The following PPP1R7 variants were observed in gnomAD, a reference collection of about 807,000 sequenced individuals.
The protein encoded by PPP1R7 is protein phosphatase 1 regulatory subunit 7.
PPP1R7 carries 18 observed loss-of-function variants against 45.2 expected under a neutral mutation model. The observed-to-expected ratio is 0.40, with a 90% CI of 0.28 to 0.59. The LOEUF (loss-of-function observed/expected upper bound fraction) is 0.59, where lower values mean the gene tolerates loss of function less well. Ranked by LOEUF, PPP1R7 falls within the 20% of genes least tolerant of loss-of-function variation. The pLI is 0.46. For missense variants in PPP1R7, 314 were observed against 455.8 expected, an observed-to-expected ratio of 0.69 and a Z score of 2.83; for synonymous variants, 181 against 183.4, an observed-to-expected ratio of 0.99 and a Z score of 0.11.
rs766680696 is a variant in PPP1R7, at chr2:241,182,830, C to A, written c.*7C>A. On this transcript the variant is annotated 3_prime_UTR_variant, in exon 10 of 10. Coordinates refer to ENST00000234038, the MANE Select transcript of PPP1R7 (RefSeq NM_002712.3). ...CACGTTCGTCAGGTTCTGAGTCCTT[C>A]TTGGCTCCTCATGTGGTCCCTCTCC... The A allele has an allele frequency of 6.2e-7, 1 of 1,606,288 alleles. No individual in the cohort carries two copies. Among genetic ancestry groups the A allele is most frequent in the South Asian group, 1.1e-5 (1 of 90,968 alleles).
At chr2:241,164,223 C>T (rs2067658498) in intron 7 of PPP1R7, among the ~76,000 whole-genome samples, 1 of 152,120 alleles carries the variant, frequency 6.6e-6, no homozygotes, top group African/African-American at 2.4e-5. Flanking sequence ...TTTCCACCCA[C>T]CCACCTCCCC....
At chr2:241,164,665 T>C (rs572853350) in intron 7 of PPP1R7, among the ~76,000 whole-genome samples, 120 of 152,204 alleles carry the variant, frequency 7.9e-4, no homozygotes, top group African/African-American at 2.7e-3. Context: ...TCGGGAGATC[T>C]AGGCGGTCAG....
upstream of PPP1R7, chr2:241,149,688 C>T (rs753423342): frequency 3.9e-6 from 6 of 1,549,914 alleles, no homozygotes; most frequent in African/African-American, 1.4e-5. Flanking sequence ...GCGGTTTCCT[C>T]CCGACTCGCG....
rs2067636660 is a variant in PPP1R7 at position 241,163,357 on chromosome 2, C to G, written c.670C>G (p.Gln224Glu). The G allele has an allele frequency of 6.2e-7, 1 of 1,613,882 alleles. No individual in the cohort carries two copies. The highest frequency in any genetic ancestry group is 8.5e-7 in the Non-Finnish European group (1 of 1,179,920). ...GGGGAAAAACAAAATTACTAAACTT[C>G]AGAACCTGGATGCGCTCACCAACCT... Reference protein sequence around the residue: ...FLGKNKITKLQNLDALTNLTV... With the variant: ...FLGKNKITKLENLDALTNLTV... The change falls in exon 7 of 10, where the codon CAG becomes GAG. Residue 224 changes from glutamine (Q) to glutamate (E), a missense_variant. Gln to Glu is a conservative substitution (Grantham distance 29). Around this residue, in one of 3 missense-constraint regions of PPP1R7, gnomAD observed 168 missense variants for 285.3 expected, o/e 0.59. Coordinates refer to ENST00000234038, the MANE Select transcript of PPP1R7 (RefSeq NM_002712.3).
At chr2:241,160,236 C>G (rs1425964792) in intron 5 of PPP1R7, 96 bp from the exon 6 acceptor site, 2 of 1,011,904 alleles carry the variant, frequency 2.0e-6, no homozygotes, top group Non-Finnish European at 1.4e-6. Context: ...GACTGCCGTC[C>G]CCTGATGGGG....
chr2:241,168,543 T>G (rs1575400247), intron 8 of PPP1R7, among the ~76,000 whole-genome samples: 1 of 152,206 alleles, frequency 6.6e-6, no homozygotes. Context: ...CCTGCAGTCC[T>G]TTTTGCTCTG....
In PPP1R7 at chr2:241,159,276, C is replaced by T. The variant is rs776336876; in HGVS notation, c.367C>T (p.Arg123Ter). Residue 123 changes from arginine to a stop codon, truncating the protein, a stop_gained, in exon 5 of 10, where the codon CGA becomes TGA. Coordinates refer to ENST00000234038, the MANE Select transcript of PPP1R7 (RefSeq NM_002712.3). LOFTEE classifies it high-confidence loss of function. ...GAATCTGGAGGAGCTACAGAGTCTT[C>T]GAGAGCTGGATCTTTACGACAACCA... is the stretch of plus-strand genomic sequence containing the variant. ...IENLEELQSL[R>*]ELDLYDNQIK... 3 of 1,613,876 alleles carry T rather than the reference C, an allele frequency of 1.9e-6. No homozygotes were observed. The highest frequency in any genetic ancestry group is 2.5e-6 in the Non-Finnish European group (3 of 1,179,864).
chr2:241,162,090 G>A (rs918095532), intron 6 of PPP1R7, among the ~76,000 whole-genome samples: 3 of 152,204 alleles, frequency 2.0e-5, no homozygotes, highest in Non-Finnish European at 2.9e-5. Flanking sequence ...GAGATGTCAT[G>A]GCCACAAATA....
chr2:241,160,406 T>C lies in PPP1R7; in HGVS notation c.509T>C (p.Phe170Ser), dbSNP rs759893095. ...AAGTTGACACGACTGAAAAAACTCT[T>C]CTTGGTCAACAATAAAATCAGTAAA... The part of the protein sequence containing the change: ...VDKLTRLKKL[F>S]LVNNKISKIE... The change falls in exon 6 of 10, where the codon TTC becomes TCC. Residue 170 changes from phenylalanine (F) to serine (S), a missense_variant. Transcript: ENST00000234038. 6.2e-7 allele frequency: 1 copy of C among 1,613,320 alleles called. No individual in the cohort carries two copies. Among genetic ancestry groups the C allele is most frequent in the Non-Finnish European group, 8.5e-7 (1 of 1,179,788 alleles).
intron 7 of PPP1R7, 84 bp downstream of exon 7, chr2:241,163,485 C>T: frequency 1.1e-6 from 1 of 937,648 alleles, no homozygotes; most frequent in Non-Finnish European, 1.7e-6. Context: ...TTATCCTTCA[C>T]TGCCTTCACA....
Position 241,183,608 on chromosome 2 carries a change from A to G in PPP1R7, c.*785A>G. On this transcript the variant is annotated 3_prime_UTR_variant, in exon 10 of 10. Coordinates refer to ENST00000234038, the MANE Select transcript of PPP1R7 (RefSeq NM_002712.3). ...TATAGTGGCCTCCTGTTCTCACCCC[A>G]TTGTTATTTTGGCTTTTTTAATATA... 2 of 311,344 alleles carry G rather than the reference A, an allele frequency of 6.4e-6. No individual in the cohort carries two copies. The highest frequency in any genetic ancestry group is 5.0e-5 in the South Asian group (2 of 39,652). 19.3% of individuals were successfully genotyped at this position (311,344 alleles called of 1,614,324 possible). A position where few individuals can be genotyped will look rare whatever the true frequency, so the allele number is the denominator to read the frequency against.
intron 6 of PPP1R7, among the ~76,000 whole-genome samples, 196 bp downstream of exon 6, chr2:241,160,690 G>C (rs1225664391): frequency 6.6e-6 from 1 of 152,190 alleles, no homozygotes; most frequent in Non-Finnish European, 1.5e-5. Flanking sequence ...AGTCCTGAGT[G>C]GTCTAGCCTT....
At chr2:241,167,682 A>G (rs1231376424) in intron 8 of PPP1R7, among the ~76,000 whole-genome samples, 1 of 152,196 alleles carries the variant, frequency 6.6e-6, no homozygotes, top group Non-Finnish European at 1.5e-5. Flanking sequence ...TCAGAATTTT[A>G]CCAGTAGAAG....
At chr2:241,151,078 G>A (rs867201188) in intron 1 of PPP1R7, among the ~76,000 whole-genome samples, 1 of 152,100 alleles carries the variant, frequency 6.6e-6, no homozygotes, top group Non-Finnish European at 1.5e-5. Context: ...CAAAAAGTCT[G>A]AATTCAACTT....
upstream of PPP1R7, chr2:241,149,659 GC>G (rs765352746): frequency 8.2e-5 from 127 of 1,543,524 alleles, no homozygotes; most frequent in African/African-American, 1.4e-3. Context: ...GGGCGCCTCC[GC>G]CCCCGGGCCG....
At chr2:241,150,679 A>C in intron 1 of PPP1R7, 132 bp downstream of exon 1, 1 of 1,280,320 alleles carries the variant, frequency 7.8e-7, no homozygotes, top group Non-Finnish European at 1.0e-6. Context: ...CTGACAGCTG[A>C]CAGCCGGACC....
intron 8 of PPP1R7, among the ~76,000 whole-genome samples, chr2:241,168,004 G>A (rs989969701): frequency 5.3e-5 from 8 of 152,168 alleles, no homozygotes; most frequent in East Asian, 1.9e-4. Context: ...CTTGTTCTTC[G>A]TGTCTTCTCC....
intron 9 of PPP1R7, among the ~76,000 whole-genome samples, chr2:241,172,154 C>CT (rs34924573): frequency 0.47 from 67,267 of 143,734 alleles, 15,643 homozygotes; most frequent in East Asian, 0.68. Flanking sequence ...TTTGGAGTGA[C>CT]TTTTTTTTTT....
At chr2:241,167,962 C>T (rs1188853139) in intron 8 of PPP1R7, among the ~76,000 whole-genome samples, 1 of 152,170 alleles carries the variant, frequency 6.6e-6, no homozygotes, top group African/African-American at 2.4e-5. Flanking sequence ...ACTTAGACGA[C>T]ACCCCCCATC....
Sources: allele counts gnomAD v4.1 joint callset (sites outside exome capture counted in the v4.1 genomes callset), GRCh38; gene constraint gnomAD v4.1.1; regional missense constraint gnomAD v4.1.1; transcripts MANE v1.5; gene names NCBI Gene and HGNC (gene_info 2026-07-23, HGNC 2026-07-21).